EIPR1: variants seen among roughly 807,000 people sequenced by gnomAD.
EIPR1 encodes EARP and GARP complex-interacting protein 1.
EIPR1 carries 25 observed loss-of-function variants against 48.1 expected under a neutral mutation model. The ratio of observed to expected loss-of-function variants is 0.52; its 90% CI spans 0.38 to 0.73. The LOEUF (loss-of-function observed/expected upper bound fraction) is 0.73. EIPR1 is among the 30% of genes least tolerant of loss of function. EIPR1 has a pLI of 0.00. For synonymous variants in EIPR1, 204 were observed against 201.9 expected (o/e 1.01, Z -0.09); for missense variants, 415 against 506.2 (o/e 0.82, Z 1.73).
chr2:3,273,553 C>T (rs1667760660), intron 3 of EIPR1, among the ~76,000 whole-genome samples: 1 of 152,108 alleles, frequency 6.6e-6, no homozygotes, highest in South Asian at 2.1e-4. Context: ...ACTTGTTTAT[C>T]TCAGCTATGG....
At chr2:3,281,606 C>T (rs542969927) in intron 3 of EIPR1, among the ~76,000 whole-genome samples, 1 of 152,314 alleles carries the variant, frequency 6.6e-6, no homozygotes, top group Non-Finnish European at 1.5e-5. Flanking sequence ...CCCACGTATA[C>T]AGGAACGCGT....
At chr2:3,212,207 G>A (rs1219188729) in intron 5 of EIPR1, among the ~76,000 whole-genome samples, 1 of 152,226 alleles carries the variant, frequency 6.6e-6, no homozygotes, top group East Asian at 1.9e-4. Flanking sequence ...GATCTCTGCA[G>A]AAAATAAGTT....
chr2:3,290,212 C>T (rs1052378829), intron 3 of EIPR1, among the ~76,000 whole-genome samples: 3 of 152,238 alleles, frequency 2.0e-5, no homozygotes, highest in African/African-American at 4.8e-5. Context: ...CTCGCTCACC[C>T]GGATGCAGCC....
intron 5 of EIPR1, among the ~76,000 whole-genome samples, chr2:3,202,899 T>G (rs1311723045): frequency 6.6e-6 from 1 of 152,254 alleles, no homozygotes; most frequent in East Asian, 1.9e-4. Context: ...GCCTTGCAGC[T>G]GATCAACAAG....
chr2:3,326,385 T>C (rs62121552), intron 3 of EIPR1, among the ~76,000 whole-genome samples: 32,139 of 151,946 alleles, frequency 0.21, 3,433 homozygotes, highest in African/African-American at 0.23. Context: ...AGCCACCAAA[T>C]CTGGTGCCCT....
At chr2:3,225,883 C>G (rs143855811) in intron 4 of EIPR1, among the ~76,000 whole-genome samples, 1 of 152,316 alleles carries the variant, frequency 6.6e-6, no homozygotes, top group East Asian at 1.9e-4. Context: ...CAGGTGAGAT[C>G]GCGCAGTATT....
chr2:3,354,097 G>A (rs1039635088), intron 2 of EIPR1, among the ~76,000 whole-genome samples: 1 of 152,150 alleles, frequency 6.6e-6, no homozygotes, highest in African/African-American at 2.4e-5. Context: ...ACACCAAAGG[G>A]TCCCATCTGT....
chr2:3,269,415 GCACTCAATCATCACACTCAATCAT>G (rs1305549514), intron 3 of EIPR1, among the ~76,000 whole-genome samples: 1 of 66,270 alleles, frequency 1.5e-5, no homozygotes. Flanking sequence ...CTCAATCATC[GCACTCAATCATCACACTCAATCAT>G]CACCACACTC....
Position 3,189,287 on chromosome 2 carries a change from C to A in EIPR1, c.*47G>T. On this transcript the variant is annotated 3_prime_UTR_variant, in exon 9 of 9. Coordinates refer to ENST00000382125, the MANE Select transcript of EIPR1 (RefSeq NM_003310.5). This position sits in a 1 kb window ranked among gnomAD's most constrained non-coding sequence, Gnocchi z 4.6. ...GAGCTGCGACTGTTTGAGAATCTGC[C>A]AAGAGGAAAACCACTCAATGGGACC... 6.7e-7 allele frequency: 1 copy of A among 1,485,090 alleles called. No homozygotes were observed. The highest frequency in any genetic ancestry group is 9.1e-7 in the Non-Finnish European group (1 of 1,104,572). 92.0% of individuals were successfully genotyped at this position (1,485,090 alleles called of 1,614,324 possible). A position where few individuals can be genotyped will look rare whatever the true frequency, so the allele number is the denominator to read the frequency against.
chr2:3,243,455 C>T (rs1666699484), intron 4 of EIPR1, among the ~76,000 whole-genome samples: 1 of 152,042 alleles, frequency 6.6e-6, no homozygotes, highest in Non-Finnish European at 1.5e-5. Context: ...CGTGGTAAAA[C>T]CCCATCTCTA....
intron 6 of EIPR1, among the ~76,000 whole-genome samples, chr2:3,196,328 C>A (rs1421349060): frequency 2.0e-5 from 3 of 152,212 alleles, no homozygotes; most frequent in Admixed American, 6.5e-5. Flanking sequence ...GTTGCCACAG[C>A]AACAGACGTG....
intron 1 of EIPR1, among the ~76,000 whole-genome samples, chr2:3,364,743 T>C (rs911666009): frequency 2.0e-5 from 3 of 152,052 alleles, no homozygotes; most frequent in African/African-American, 7.2e-5. Flanking sequence ...AGACAACACA[T>C]GTTTTCAGTC....
intron 3 of EIPR1, among the ~76,000 whole-genome samples, chr2:3,324,841 G>C (rs542089502): frequency 2.8e-4 from 43 of 152,320 alleles, no homozygotes; most frequent in Non-Finnish European, 3.5e-4. Flanking sequence ...AGCACCTCGG[G>C]GGGAGGGCCT....
chr2:3,225,222 A>ATGTGTGTGTGTGTGTGTGTGTG (rs61557621), intron 4 of EIPR1, among the ~76,000 whole-genome samples: 3 of 136,928 alleles, frequency 2.2e-5, no homozygotes, highest in African/African-American at 5.5e-5. Flanking sequence ...ACACTGTGAT[A>ATGTGTGTGTGTGTGTGTGTGTG]TGTGTGTGTG....
At chr2:3,323,493 A>G (rs566540354) in intron 3 of EIPR1, among the ~76,000 whole-genome samples, 241 of 152,304 alleles carry the variant, frequency 1.6e-3, no homozygotes, top group Non-Finnish European at 2.9e-3. Context: ...GCACGCGACA[A>G]GGTCTTCATT....
chr2:3,196,289 G>T (rs1302657801), intron 6 of EIPR1, among the ~76,000 whole-genome samples: 1 of 152,190 alleles, frequency 6.6e-6, no homozygotes, highest in African/African-American at 2.4e-5. Flanking sequence ...GGGATAAACT[G>T]TATCTTAAAA....
intron 1 of EIPR1, among the ~76,000 whole-genome samples, chr2:3,375,662 G>A (rs762926322): frequency 6.6e-6 from 1 of 152,176 alleles, no homozygotes; most frequent in South Asian, 2.1e-4. Context: ...GTCAGTTTGG[G>A]TTGAAAGTCT....
At chr2:3,243,772 C>T (rs977832566) in intron 4 of EIPR1, among the ~76,000 whole-genome samples, 1 of 152,138 alleles carries the variant, frequency 6.6e-6, no homozygotes, top group African/African-American at 2.4e-5. Context: ...TCCTCAAAAC[C>T]CTATCCTCTG....
chr2:3,365,839 A>T (rs1390628518), intron 1 of EIPR1, among the ~76,000 whole-genome samples: 2 of 152,052 alleles, frequency 1.3e-5, no homozygotes, highest in Non-Finnish European at 2.9e-5. Context: ...AATTTTTCTT[A>T]GTACAGAACA....
Sources: gnomAD v4.1 joint callset for allele counts (sites outside exome capture counted in the v4.1 genomes callset) on GRCh38, gnomAD v4.1.1 for gene constraint, Gnocchi (gnomAD v3.1) non-coding constraint, MANE v1.5 for transcripts, NCBI Gene and HGNC (gene_info 2026-07-23, HGNC 2026-07-21) for gene names.